The following PCDH15 variants were observed in gnomAD, a reference collection of about 807,000 sequenced individuals.
PCDH15 encodes the protein protocadherin-15.
PCDH15 carries 129 observed loss-of-function variants against 178.5 expected under a neutral mutation model. The ratio of observed to expected loss-of-function variants is 0.72; its 90% CI spans 0.63 to 0.84. PCDH15 has a LOEUF of 0.84. PCDH15 is among the 40% of genes least tolerant of loss of function. The probability of loss-of-function intolerance (pLI) is 0.00; values close to 1 mark genes in which losing one functional copy is unlikely to be tolerated. For synonymous variants in PCDH15, 800 were observed against 732.0 expected, an observed-to-expected ratio of 1.09 and a Z score of -1.50; for missense variants, 2,230 against 2,099.9, an observed-to-expected ratio of 1.06 and a Z score of -1.21.
At chr10:54,000,739 GAGAC>G (rs1286007614) in intron 20 of PCDH15, among the ~76,000 whole-genome samples, 6 of 152,122 alleles carry the variant, frequency 3.9e-5, no homozygotes, top group South Asian at 4.1e-4. Flanking sequence ...CATTAAAGAG[GAGAC>G]AGACAAAGAG....
intron 2 of PCDH15, among the ~76,000 whole-genome samples, chr10:55,019,315 TACA>T (rs1158395078): frequency 6.6e-5 from 10 of 152,290 alleles, no homozygotes; most frequent in Admixed American, 2.0e-4. Flanking sequence ...TCAAACATAA[TACA>T]ACATTTGAAC....
At chr10:54,556,623 A>C (rs552152498) in intron 2 of PCDH15, among the ~76,000 whole-genome samples, 1 of 147,264 alleles carries the variant, frequency 6.8e-6, no homozygotes, top group Non-Finnish European at 1.5e-5. Flanking sequence ...TTATTTTAAG[A>C]GACTTTTTTT....
chr10:54,480,487 G>A (rs1045015902), intron 3 of PCDH15, among the ~76,000 whole-genome samples: 1 of 151,778 alleles, frequency 6.6e-6, no homozygotes, highest in African/African-American at 2.4e-5. Flanking sequence ...CAAAGACTCT[G>A]AAAAAAAGTG....
chr10:55,421,930 C>A (rs11004844), intron 2 of PCDH15, among the ~76,000 whole-genome samples: 32,039 of 151,536 alleles, frequency 0.21, 3,579 homozygotes, highest in African/African-American at 0.27. Flanking sequence ...TTAGCCCAGT[C>A]AATTAGCATA....
chr10:55,441,214 AC>A (rs928548516), intron 2 of PCDH15, among the ~76,000 whole-genome samples: 1 of 152,208 alleles, frequency 6.6e-6, no homozygotes, highest in African/African-American at 2.4e-5. Context: ...AGTTTTACCC[AC>A]CTCTGTAACC....
intron 1 of PCDH15, among the ~76,000 whole-genome samples, chr10:54,716,769 C>A (rs1364631879): frequency 6.6e-6 from 1 of 151,438 alleles, no homozygotes; most frequent in African/African-American, 2.4e-5. Context: ...CTTTAAAGTT[C>A]ATATGGAACC....
At chr10:55,451,447 G>A (rs948540133) in intron 2 of PCDH15, among the ~76,000 whole-genome samples, 4 of 151,800 alleles carry the variant, frequency 2.6e-5, no homozygotes, top group East Asian at 3.9e-4. Flanking sequence ...GCAGTGAGCC[G>A]AGATCGCACC....
intron 3 of PCDH15, among the ~76,000 whole-genome samples, chr10:54,871,061 A>G (rs1954031125): frequency 6.6e-6 from 1 of 152,204 alleles, no homozygotes; most frequent in South Asian, 2.1e-4. Context: ...GTGCTGCATT[A>G]GAATTCTGTG....
chr10:54,959,712 T>C (rs1323900940), intron 2 of PCDH15, among the ~76,000 whole-genome samples: 1 of 152,070 alleles, frequency 6.6e-6, no homozygotes, highest in African/African-American at 2.4e-5. Flanking sequence ...ATCATCGAAT[T>C]TAGAGGAACT....
Position 54,774,007 on chromosome 10 carries a change from C to CTTTT in PCDH15, c.-29+26914_-29+26917dup, listed in dbSNP as rs763704132. 1.5e-3 allele frequency among the ~76,000 whole-genome samples: 110 copies of CTTTT among 75,384 alleles called. 18 individuals are homozygous for CTTTT. The highest frequency in any genetic ancestry group is 1.8e-3 in the East Asian group (3 of 1,628). The allele number at this position is 75,384 out of a possible 152,430, so 49.5% of individuals were successfully genotyped here. ...TAGATGAACTGGCATACTTCATAGG[C>CTTTT]TTTTTTTTTTTTTTTTTTTTTTTTT... is the stretch of plus-strand genomic sequence containing the variant. On this transcript the variant is annotated intron_variant, in intron 1 of 37. Transcript: ENST00000644397.
At chr10:54,538,493 G>C (rs1485830089) in intron 2 of PCDH15, among the ~76,000 whole-genome samples, 1 of 152,038 alleles carries the variant, frequency 6.6e-6, no homozygotes, top group African/African-American at 2.4e-5. Context: ...CCAATAACAT[G>C]TTTTGTTACC....
In PCDH15 at chr10:54,541,143, T is replaced by A. The variant is rs552562821; in HGVS notation, c.92-13266A>T. Among the ~76,000 whole-genome samples the A allele has an allele frequency of 3.9e-5, 6 of 152,210 alleles. No homozygotes were observed. The South Asian group carries it at 1.2e-3, about 32-fold the overall frequency. On this transcript the variant is annotated intron_variant, in intron 2 of 37. Transcript: ENST00000644397. ...CCATTCTCACCACTTCTATTTGACATAGTACTAGAAGTCCTAACTACAGCA... is the reference window on the plus strand; with the variant it reads ...CCATTCTCACCACTTCTATTTGACAAAGTACTAGAAGTCCTAACTACAGCA...
chr10:55,350,952 T>TTTCTTC (rs575609366), intron 2 of PCDH15, among the ~76,000 whole-genome samples: 20 of 151,268 alleles, frequency 1.3e-4, no homozygotes, highest in African/African-American at 3.9e-4. Flanking sequence ...TGTTTTATTA[T>TTTCTTC]TTCTTCTTCT....
intron 19 of PCDH15, 71 bp from the exon 20 acceptor site, chr10:54,020,487 C>A: frequency 7.1e-7 from 1 of 1,404,274 alleles, no homozygotes; most frequent in South Asian, 1.1e-5. Flanking sequence ...GGATGGAAGT[C>A]ATGCGTTAGT....
intron 2 of PCDH15, among the ~76,000 whole-genome samples, chr10:54,961,822 G>T (rs931272958): frequency 2.0e-5 from 3 of 151,728 alleles, no homozygotes; most frequent in Non-Finnish European, 4.4e-5. Flanking sequence ...GGTACCTTTG[G>T]GTCTCCTCTA....
intron 1 of PCDH15, among the ~76,000 whole-genome samples, chr10:55,194,931 T>G (rs1282384413): frequency 1.3e-5 from 2 of 152,098 alleles, no homozygotes; most frequent in Non-Finnish European, 2.9e-5. Context: ...TTATAGCAAT[T>G]CATGCTACCT....
chr10:54,430,297 C>T (rs866223164), intron 3 of PCDH15, among the ~76,000 whole-genome samples: 36 of 152,054 alleles, frequency 2.4e-4, no homozygotes, highest in Middle Eastern at 6.8e-3. Context: ...TTAGGTGATC[C>T]GCCAGCCTCA....
At chr10:55,439,024 G>A (rs866253746) in intron 2 of PCDH15, among the ~76,000 whole-genome samples, 1 of 151,702 alleles carries the variant, frequency 6.6e-6, no homozygotes, top group African/African-American at 2.4e-5. Flanking sequence ...TCTGCCTCCC[G>A]AGTAACTAGG....
intron 27 of PCDH15, among the ~76,000 whole-genome samples, chr10:53,861,460 T>C (rs7901828): frequency 0.16 from 24,291 of 152,104 alleles, 3,169 homozygotes; most frequent in East Asian, 0.69. Flanking sequence ...TATTTCTATG[T>C]CCTTTCCATT....
Sources: allele counts gnomAD v4.1 joint callset (sites outside exome capture counted in the v4.1 genomes callset), GRCh38; gene constraint gnomAD v4.1.1; transcripts MANE v1.5; gene names NCBI Gene and HGNC (gene_info 2026-07-23, HGNC 2026-07-21).